ERICH1: variants seen among roughly 807,000 people sequenced by gnomAD.
The protein encoded by ERICH1 is glutamate rich 1, also known as glutamate-rich protein 1.
In ERICH1, 56 loss-of-function variants were observed where a neutral mutation model predicts 39.6. That is an observed-to-expected ratio of 1.41 (90% CI 1.14 to 1.77). The LOEUF (loss-of-function observed/expected upper bound fraction) is 1.77. Ranked by LOEUF, ERICH1 falls within the 40% of genes most tolerant of loss-of-function variation. The pLI is 0.00. For synonymous variants in ERICH1, 313 were observed against 223.6 expected (o/e 1.40, Z -3.57); for missense variants, 826 against 575.4 (o/e 1.44, Z -4.45).
intron 3 of ERICH1, among the ~76,000 whole-genome samples, chr8:683,028 G>A (rs142268233): frequency 6.6e-6 from 1 of 152,204 alleles, no homozygotes; most frequent in Admixed American, 6.5e-5. Flanking sequence ...TGAGTGTGTT[G>A]TTTGCCTAAA....
chr8:710,035 TG>T (rs1814329327), intron 2 of ERICH1, among the ~76,000 whole-genome samples: 1 of 152,218 alleles, frequency 6.6e-6, no homozygotes, highest in Non-Finnish European at 1.5e-5. Flanking sequence ...AGGGATGGCC[TG>T]CTTCTTGTAA....
In ERICH1 at chr8:648,589, G is replaced by A. The variant is rs1433419887; in HGVS notation, c.976+20009C>T. Among the ~76,000 whole-genome samples the A allele has an allele frequency of 1.1e-4, 7 of 65,454 alleles. 3 individuals are homozygous for A. The highest frequency in any genetic ancestry group is 1.2e-3 in the South Asian group (2 of 1,648). 42.9% of individuals were successfully genotyped at this position (65,454 alleles called of 152,430 possible). The stretch of plus-strand genomic sequence containing the variant: ...CAAGTATGAAGCCAGGAAGGAGCCC[G>A]CTGGTTCTACTCTTCACTCCAGCGT... On this transcript the variant is annotated intron_variant, in intron 3 of 3. Coordinates refer to the ERICH1 transcript ENST00000522706.
At chr8:726,196 C>A (rs1818594727) in intron 1 of ERICH1, among the ~76,000 whole-genome samples, 2 of 152,346 alleles carry the variant, frequency 1.3e-5, no homozygotes, top group South Asian at 4.1e-4. Context: ...GAGCCAGCAT[C>A]TTCAGCTCTG....
intron 3 of ERICH1, among the ~76,000 whole-genome samples, chr8:643,268 A>G (rs1464215196): frequency 6.6e-6 from 1 of 151,908 alleles, no homozygotes; most frequent in South Asian, 2.1e-4. Flanking sequence ...CGCAGCAGGG[A>G]CGGGAAGCTG....
chr8:670,562 G>A (rs985564767), intron 4 of ERICH1, among the ~76,000 whole-genome samples: 1 of 152,164 alleles, frequency 6.6e-6, no homozygotes, highest in Non-Finnish European at 1.5e-5. Flanking sequence ...ATCTGCTTCT[G>A]GGCTGCCCTG....
chr8:703,434 G>C (rs1812595723), intron 2 of ERICH1, among the ~76,000 whole-genome samples: 1 of 152,182 alleles, frequency 6.6e-6, no homozygotes, highest in Non-Finnish European at 1.5e-5. Context: ...ATCTGCTCCA[G>C]AGGGGCCGCC....
intron 3 of ERICH1, among the ~76,000 whole-genome samples, chr8:688,883 T>C (rs1365122668): frequency 6.6e-6 from 1 of 152,240 alleles, no homozygotes; most frequent in Admixed American, 6.5e-5. Flanking sequence ...CGCTGAACTC[T>C]AAAGGGAATA....
At chr8:641,689 G>A (rs938384348) in intron 3 of ERICH1, among the ~76,000 whole-genome samples, 4 of 152,200 alleles carry the variant, frequency 2.6e-5, no homozygotes, top group Non-Finnish European at 4.4e-5. Flanking sequence ...GCCTGGGTAC[G>A]CTGGCAGCGG....
chr8:657,513 G>A (rs1800806685), intron 3 of ERICH1, among the ~76,000 whole-genome samples: 1 of 151,610 alleles, frequency 6.6e-6, no homozygotes, highest in African/African-American at 2.4e-5. Flanking sequence ...AGAACTCACA[G>A]GGGCGATGCT....
chr8:674,185 A>C, intron 3 of ERICH1, 138 bp from the exon 4 acceptor site: 1 of 1,002,542 alleles, frequency 1.0e-6, no homozygotes, highest in Non-Finnish European at 1.4e-6. Context: ...GTGATTCTCA[A>C]CTTTACCATC....
At chr8:682,303 G>T (rs1265134425) in intron 3 of ERICH1, among the ~76,000 whole-genome samples, 2 of 152,182 alleles carry the variant, frequency 1.3e-5, no homozygotes, top group Non-Finnish European at 2.9e-5. Flanking sequence ...AGACCCTAAG[G>T]AATATTATCC....
chr8:717,940 A>T (rs1816409022), intron 1 of ERICH1, among the ~76,000 whole-genome samples: 1 of 152,268 alleles, frequency 6.6e-6, no homozygotes, highest in Non-Finnish European at 1.5e-5. Flanking sequence ...GCTGGGCCCA[A>T]GCAAGCATCA....
At chr8:710,473 GCTC>G (rs1362233397) in intron 2 of ERICH1, among the ~76,000 whole-genome samples, 7 of 149,056 alleles carry the variant, frequency 4.7e-5, no homozygotes, top group African/African-American at 1.8e-4. Flanking sequence ...GGCTCCACCT[GCTC>G]CTTCCAGTCC....
At chr8:653,892 T>C (rs928719994) in intron 3 of ERICH1, among the ~76,000 whole-genome samples, 3 of 148,312 alleles carry the variant, frequency 2.0e-5, no homozygotes, top group African/African-American at 5.1e-5. Context: ...ACACAGGCTA[T>C]AACACGAGAA....
At chr8:684,804 A>C (rs1037421116) in intron 3 of ERICH1, among the ~76,000 whole-genome samples, 2 of 152,210 alleles carry the variant, frequency 1.3e-5, no homozygotes, top group East Asian at 1.9e-4. Flanking sequence ...CCTGAGCCCC[A>C]AAACCAGCAA....
At position 668,799 on chromosome 8, in the gene ERICH1, A is replaced by AGC. The variant is rs879210864; in HGVS notation, c.1064-8_1064-7insGC. 3.8e-6 allele frequency: 6 copies of AGC among 1,582,982 alleles called. No individual in the cohort carries two copies. The Admixed American group carries it at 1.1e-4, about 29-fold the overall frequency. ...GCTGCATCTCTGGAGACACCTACATAAAGTCAGTTTTGCTTGGAAATACAG... is the reference window on the plus strand; with the variant it reads ...GCTGCATCTCTGGAGACACCTACATAGCAAGTCAGTTTTGCTTGGAAATACAG... On this transcript the variant is annotated splice_region_variant and splice_polypyrimidine_tract_variant and intron_variant, in intron 4 of 5. Transcript: ENST00000262109.
chr8:722,171 TC>T (rs1297178020), intron 1 of ERICH1, among the ~76,000 whole-genome samples: 8 of 149,634 alleles, frequency 5.3e-5, no homozygotes, highest in Admixed American at 4.0e-4. Context: ...CTAGTGCCCA[TC>T]AAAAAGCAAT....
intron 3 of ERICH1, among the ~76,000 whole-genome samples, chr8:642,471 G>C (rs577305304): frequency 1.3e-5 from 2 of 149,946 alleles, no homozygotes; most frequent in Non-Finnish European, 3.0e-5. Flanking sequence ...CAGCCTCCCA[G>C]ATAGCTGGGA....
At chr8:703,004 C>A (rs1375354124) in intron 2 of ERICH1, among the ~76,000 whole-genome samples, 1 of 152,244 alleles carries the variant, frequency 6.6e-6, no homozygotes, top group African/African-American at 2.4e-5. Context: ...ACCACCCAGG[C>A]AGGCAGCAAG....
Sources: allele counts gnomAD v4.1 joint callset (sites outside exome capture counted in the v4.1 genomes callset), GRCh38; gene constraint gnomAD v4.1.1; transcripts MANE v1.5; gene names NCBI Gene and HGNC (gene_info 2026-07-23, HGNC 2026-07-21).